Variants in CAMSAP3 observed in about 807,000 individuals in gnomAD.
CAMSAP3 encodes calmodulin regulated spectrin associated protein family member 3.
CAMSAP3 carries 34 observed loss-of-function variants against 112.5 expected under a neutral mutation model. That is an observed-to-expected ratio of 0.30 (90% CI 0.23 to 0.40). CAMSAP3 has a LOEUF of 0.40. Ranked by LOEUF, CAMSAP3 falls within the 10% of genes least tolerant of loss-of-function variation. The pLI is 1.00. For synonymous variants in CAMSAP3, 868 were observed against 799.8 expected (o/e 1.09, Z -1.44); for missense variants, 1,602 against 1,770.3 (o/e 0.90, Z 1.71).
chr19:7,618,203 T>C lies in CAMSAP3; in HGVS notation c.*146T>C. On this transcript the variant is annotated 3_prime_UTR_variant, in exon 17 of 17. Transcript: ENST00000160298. ...CTCCACCCTCTGACTTTGAGTCCAG[T>C]CCTGCTGTGGGGGCTGAGCTGGGAG... is the stretch of plus-strand genomic sequence containing the variant. 1 of 879,148 alleles carries C rather than the reference T, an allele frequency of 1.1e-6. No homozygotes were observed. Among genetic ancestry groups the C allele is most frequent in the Admixed American group, 2.8e-5 (1 of 36,256 alleles). 54.5% of individuals were successfully genotyped at this position (879,148 alleles called of 1,614,324 possible).
intron 1 of CAMSAP3, among the ~76,000 whole-genome samples, chr19:7,601,752 T>TAAAATAAAATAAAATA (rs1292798127): frequency 2.0e-5 from 3 of 147,924 alleles, no homozygotes; most frequent in Admixed American, 6.7e-5. Flanking sequence ...TAAAATAAAA[T>TAAAATAAAATAAAATA]AAATGAATAA....
chr19:7,597,988 A>G (rs1438820188), intron 1 of CAMSAP3, among the ~76,000 whole-genome samples: 3 of 152,148 alleles, frequency 2.0e-5, no homozygotes, highest in African/African-American at 7.2e-5. Context: ...GAAGGGCTGA[A>G]GGAAATGGGA....
chr19:7,611,144 C>T lies in CAMSAP3; in HGVS notation c.1099C>T (p.Gln367Ter), dbSNP rs2030464403. The T allele has an allele frequency of 6.2e-7, 1 of 1,613,556 alleles. No homozygotes were observed. Among genetic ancestry groups the T allele is most frequent in the African/African-American group, 1.3e-5 (1 of 74,900 alleles). ...CCCGCTTCTGTCATCTGGTGGCCCC[C>T]AGTCCCCACTCCGAGGATCCACAGG... ...RHPLLSSGGP[Q>*]SPLRGSTGSL... The change falls in exon 9 of 17, where the codon CAG (glutamine) becomes TAG (stop). Residue 367 changes from glutamine (Q) to a stop codon, truncating the protein, a stop_gained. Transcript: ENST00000160298. LOFTEE classifies it high-confidence loss of function. The surrounding 1 kb of genome is among the most constrained non-coding windows in gnomAD (Gnocchi z 6.9).
intron 1 of CAMSAP3, 25 bp from the exon 2 acceptor site, chr19:7,605,201 G>A (rs1315436037): frequency 6.3e-6 from 9 of 1,421,838 alleles, no homozygotes; most frequent in Non-Finnish European, 8.4e-6. Flanking sequence ...CCTGACCCCC[G>A]TGTTTCCCCT....
Position 7,611,391 on chromosome 19 carries a change from C to A in CAMSAP3, c.1124-126C>A, listed in dbSNP as rs1288117319. The A allele has an allele frequency of 2.0e-6, 2 of 984,168 alleles. No homozygotes were observed. Among genetic ancestry groups the A allele is most frequent in the Admixed American group, 2.5e-5 (1 of 39,286 alleles). The allele number at this position is 984,168 out of a possible 1,614,324, so 61.0% of individuals were successfully genotyped here. A position where few individuals can be genotyped will look rare whatever the true frequency, so the allele number is the denominator to read the frequency against. On this transcript the variant is annotated intron_variant, in intron 9 of 16. Transcript: ENST00000160298. This position sits in a 1 kb window ranked among gnomAD's most constrained non-coding sequence, Gnocchi z 6.9. Reference sequence around the variant, plus strand: ...ATCTGTTTCTGGAAACCTCTGGTCTCACTAGACCACATAATGAGCCATCAG... The same window carrying A: ...ATCTGTTTCTGGAAACCTCTGGTCTAACTAGACCACATAATGAGCCATCAG...
At chr19:7,616,291 T>C in intron 13 of CAMSAP3, 1 of 457,738 alleles carries the variant, frequency 2.2e-6, no homozygotes, top group South Asian at 2.8e-5. Context: ...CCTTTGGGAG[T>C]ATGTTTGGGG....
At position 7,606,507 on chromosome 19, in the gene CAMSAP3, A is replaced by T; in HGVS notation, c.557A>T (p.Gln186Leu). The change falls in exon 4 of 17, where the codon CAG (glutamine) becomes CTG (leucine). Residue 186 changes from glutamine to leucine, a missense_variant. Gln to Leu is a moderately radical substitution (Grantham distance 113, BLOSUM62 -2). Around this residue, in one of 6 missense-constraint regions of CAMSAP3, gnomAD observed 112 missense variants for 94.2 expected, o/e 1.19. Transcript: ENST00000160298. Reference protein sequence around the residue: ...TVRRLQEKTEQEAAQRASPAA... With the variant: ...TVRRLQEKTELEAAQRASPAA... ...CGGCGGCTGCAGGAGAAGACCGAGC[A>T]GGAAGCGGCCCAGCGAGCCTCTCCA... 6.4e-7 allele frequency: 1 copy of T among 1,563,504 alleles called. No individual in the cohort carries two copies. The highest frequency in any genetic ancestry group is 1.1e-5 in the South Asian group (1 of 87,080).
intron 1 of CAMSAP3, among the ~76,000 whole-genome samples, chr19:7,598,768 AAG>A (rs10535481): frequency 0.019 from 2,912 of 150,860 alleles, 142 homozygotes; most frequent in Admixed American, 0.11. Flanking sequence ...GCCTGGGTGA[AAG>A]AGAGAGACTC....
In CAMSAP3 at chr19:7,610,234, CTT is replaced by C. The variant is rs1199651749; in HGVS notation, c.761-241_761-240del. Among the ~76,000 whole-genome samples, 1 of 151,626 alleles carries C rather than the reference CTT, an allele frequency of 6.6e-6. No individual in the cohort carries two copies. ...TCAGGAGGCTGAGGTGGGAGAATCA[CTT>C]GAACCCGGGAGGCAGAGGTTGCAGT... On this transcript the variant is annotated intron_variant, in intron 5 of 16. Transcript: ENST00000160298. The surrounding 1 kb of genome is among the most constrained non-coding windows in gnomAD (Gnocchi z 4.9).
At position 7,601,387 on chromosome 19, in the gene CAMSAP3, C is replaced by T. The variant is rs940851910; in HGVS notation, c.149-3839C>T. On this transcript the variant is annotated intron_variant, in intron 1 of 16. Transcript: ENST00000160298. ...AGGCTGGAGTGCCGGGGCACAATCT[C>T]GGCTCACCACAGCCTCCGTCTCCTG... Among the ~76,000 whole-genome samples, 7 of 152,050 alleles carry T rather than the reference C, an allele frequency of 4.6e-5. No homozygotes were observed. The East Asian group carries it at 5.8e-4, about 13-fold the overall frequency.
At position 7,596,056 on chromosome 19, in the gene CAMSAP3, GC is replaced by G; in HGVS notation, c.57del (p.Glu20ArgfsTer51). On this transcript the variant is annotated frameshift_variant, in exon 1 of 17. Transcript: ENST00000160298. LOFTEE classifies it high-confidence loss of function. Reference protein sequence around the residue: ...PGPLRRTFLVPEIKSLDQYDF... With the variant: ...PGPLRRTFLVXEIKSLDQYDF... Reference sequence around the variant, plus strand: ...GGCCGCTGCGGAGGACCTTTCTAGTGCCCGAGATCAAGTCGCTGGACCAGTA... The same window carrying G: ...GGCCGCTGCGGAGGACCTTTCTAGTGCCGAGATCAAGTCGCTGGACCAGTA... 1 of 1,276,758 alleles carries G rather than the reference GC, an allele frequency of 7.8e-7. No individual in the cohort carries two copies. The highest frequency in any genetic ancestry group is 3.0e-4 in the Middle Eastern group (1 of 3,318). 79.1% of individuals were successfully genotyped at this position (1,276,758 alleles called of 1,614,324 possible).
chr19:7,607,140 C>A lies in CAMSAP3; in HGVS notation c.621+569C>A, dbSNP rs559676065. Among the ~76,000 whole-genome samples, 1 of 152,124 alleles carries A rather than the reference C, an allele frequency of 6.6e-6. No individual in the cohort carries two copies. Among genetic ancestry groups the A allele is most frequent in the Admixed American group, 6.5e-5 (1 of 15,268 alleles). ...ACCCCCTGAACCTGTCCCCCTTAGC[C>A]GAGGTGGGGAGACCACATAAATTTC... On this transcript the variant is annotated intron_variant, in intron 4 of 16. Coordinates refer to ENST00000160298, the MANE Select transcript of CAMSAP3 (RefSeq NM_020902.2). This position sits in a 1 kb window ranked among gnomAD's most constrained non-coding sequence, Gnocchi z 4.9.
intron 5 of CAMSAP3, among the ~76,000 whole-genome samples, chr19:7,609,897 G>A (rs1219496548): frequency 1.3e-5 from 2 of 152,092 alleles, no homozygotes; most frequent in South Asian, 2.1e-4. Context: ...AGCGGGGTTC[G>A]GGTGGTCCTG....
rs2030530946 is a variant in CAMSAP3, at chr19:7,612,209, A to G, written c.1716A>G (p.Lys572=). The G allele has an allele frequency of 6.2e-7, 1 of 1,602,012 alleles. No individual in the cohort carries two copies. Among genetic ancestry groups the G allele is most frequent in the East Asian group, 2.3e-5 (1 of 44,196 alleles). Residue 572 remains lysine (K), a synonymous_variant, in exon 11 of 17, where the codon AAA becomes AAG. Coordinates refer to ENST00000160298, the MANE Select transcript of CAMSAP3 (RefSeq NM_020902.2). ...VKMTSFAERK[K]QLVKAEAEAG... ...TGACCAGCTTTGCAGAACGCAAGAA[A>G]CAGCTGGTGAAGGCAGAGGCTGAGG...
rs370583262 is a variant in CAMSAP3, at chr19:7,617,404, T to C, written c.3291T>C (p.Asn1097=). 3.7e-6 allele frequency: 6 copies of C among 1,614,028 alleles called. No individual in the cohort carries two copies. Among genetic ancestry groups the C allele is most frequent in the Non-Finnish European group, 4.2e-6 (5 of 1,179,978 alleles). The change falls in exon 15 of 17, where the codon AAT becomes AAC. Residue 1097 remains asparagine, a synonymous_variant. Transcript: ENST00000160298. This position sits in a 1 kb window ranked among gnomAD's most constrained non-coding sequence, Gnocchi z 7.5. ...SRERDWENGS[N]ASSPASVPEY... is the part of the protein sequence containing the mutation. Reference sequence around the variant, plus strand: ...AACGGGACTGGGAAAATGGCAGCAATGCCTCCTCCCCAGCGTCAGTGCCCG... The same window carrying C: ...AACGGGACTGGGAAAATGGCAGCAACGCCTCCTCCCCAGCGTCAGTGCCCG...
chr19:7,606,158 C>CCCG (rs1036392325), intron 2 of CAMSAP3, 113 bp from the exon 3 acceptor site: 1 of 611,942 alleles, frequency 1.6e-6, no homozygotes, highest in African/African-American at 1.9e-5. Context: ...CAAGCCCCAC[C>CCCG]CCCCCCGTCA....
Position 7,612,335 on chromosome 19 carries a change from C to T in CAMSAP3, c.1842C>T (p.Ile614=), listed in dbSNP as rs750572492. The change falls in exon 11 of 17, where the codon ATC becomes ATT. Residue 614 remains isoleucine, a synonymous_variant. Transcript: ENST00000160298. ...SARLEEKRRA[I]EAQKRRIEAI... ...GGCTGGAGGAGAAACGCAGAGCCAT[C>T]GAGGCTCAGAAGCGACGGATTGAGG... The T allele has an allele frequency of 2.9e-5, 46 of 1,604,046 alleles. No homozygotes were observed. In the Middle Eastern group the frequency reaches 6.7e-4, roughly 23 times the overall value.
intron 2 of CAMSAP3, 93 bp downstream of exon 2, chr19:7,605,572 C>G (rs913904736): frequency 1.2e-5 from 16 of 1,329,226 alleles, no homozygotes; most frequent in Admixed American, 3.1e-5. Context: ...CCCAAGTTCC[C>G]TCTATCAGTC....
chr19:7,614,088 C>T (rs1185412532), intron 11 of CAMSAP3, among the ~76,000 whole-genome samples: 7 of 151,768 alleles, frequency 4.6e-5, no homozygotes, highest in African/African-American at 7.2e-5. Flanking sequence ...GGTGAAACTC[C>T]GTCTCTACTA....
Sources: gnomAD v4.1 joint callset for allele counts (sites outside exome capture counted in the v4.1 genomes callset) on GRCh38, gnomAD v4.1.1 for gene constraint, gnomAD v4.1.1 regional missense constraint, Gnocchi (gnomAD v3.1) non-coding constraint, MANE v1.5 for transcripts, NCBI Gene and HGNC (gene_info 2026-07-23, HGNC 2026-07-21) for gene names.